The following LMBR1 variants were observed in gnomAD, a reference collection of about 807,000 sequenced individuals.
The protein encoded by LMBR1 is limb region 1 protein homolog.
A neutral mutation model predicts 73.9 loss-of-function variants in LMBR1; 52 were observed. The observed-to-expected ratio is 0.70, with a 90% CI of 0.56 to 0.89. The LOEUF (loss-of-function observed/expected upper bound fraction) is 0.89. Among genes scored for constraint, LMBR1 ranks in the 40% least tolerant of loss-of-function variants. LMBR1 has a pLI of 0.00. For missense variants in LMBR1, 539 were observed against 579.8 expected, an observed-to-expected ratio of 0.93 and a Z score of 0.72; for synonymous variants, 215 against 209.4, an observed-to-expected ratio of 1.03 and a Z score of -0.23.
chr7:156,704,131 G>A (rs1187525657), intron 15 of LMBR1, among the ~76,000 whole-genome samples: 2 of 152,106 alleles, frequency 1.3e-5, no homozygotes, highest in Non-Finnish European at 2.9e-5. Flanking sequence ...AAGCTACACA[G>A]AGGCCCAAGA....
intron 15 of LMBR1, among the ~76,000 whole-genome samples, chr7:156,693,189 T>C (rs571978672): frequency 2.5e-3 from 384 of 152,112 alleles, no homozygotes; most frequent in Middle Eastern, 0.01. Flanking sequence ...TTTGAAAAAA[T>C]AGTGGCTGAA....
At chr7:156,851,658 G>T (rs1796256792) in intron 1 of LMBR1, among the ~76,000 whole-genome samples, 1 of 151,886 alleles carries the variant, frequency 6.6e-6, no homozygotes, top group African/African-American at 2.4e-5. Flanking sequence ...AATGGAGAGA[G>T]AAAAAGTAAA....
At chr7:156,823,441 T>C (rs1304617567) in intron 4 of LMBR1, 1 of 152,104 alleles carries the variant, frequency 6.6e-6, no homozygotes, top group East Asian at 1.9e-4. Context: ...TGTAAAGAAA[T>C]TGTCAGAAAC....
At chr7:156,824,481 C>T (rs1484389794) in intron 4 of LMBR1, among the ~76,000 whole-genome samples, 1 of 152,058 alleles carries the variant, frequency 6.6e-6, no homozygotes, top group Non-Finnish European at 1.5e-5. Flanking sequence ...AACATAATAG[C>T]AATGAAAAAA....
chr7:156,694,246 C>A (rs1807821724), intron 15 of LMBR1, among the ~76,000 whole-genome samples: 1 of 152,128 alleles, frequency 6.6e-6, no homozygotes, highest in Non-Finnish European at 1.5e-5. Context: ...AATGATCCCA[C>A]CTCAGCCTTC....
intron 9 of LMBR1, among the ~76,000 whole-genome samples, chr7:156,750,179 A>G (rs1563272950): frequency 6.6e-6 from 1 of 152,198 alleles, no homozygotes; most frequent in Admixed American, 6.5e-5. Context: ...TTATGGTACT[A>G]CTTCCAAAGT....
intron 1 of LMBR1, among the ~76,000 whole-genome samples, chr7:156,889,881 G>C (rs1394914875): frequency 6.6e-6 from 1 of 152,166 alleles, no homozygotes; most frequent in Non-Finnish European, 1.5e-5. Flanking sequence ...ATTCAAGCCT[G>C]TAGTCCCAGC....
intron 8 of LMBR1, among the ~76,000 whole-genome samples, chr7:156,759,149 A>G (rs1340545030): frequency 6.6e-6 from 1 of 152,272 alleles, no homozygotes; most frequent in Admixed American, 6.5e-5. Context: ...AACATTACAA[A>G]AGTTCAAAGG....
intron 10 of LMBR1, among the ~76,000 whole-genome samples, chr7:156,730,174 A>G (rs1002779998): frequency 6.6e-6 from 1 of 152,196 alleles, no homozygotes; most frequent in African/African-American, 2.4e-5. Flanking sequence ...TTGAGAGGCT[A>G]TGATCATACA....
chr7:156,884,868 TA>T (rs1801632147), intron 1 of LMBR1, among the ~76,000 whole-genome samples: 10 of 152,174 alleles, frequency 6.6e-5, no homozygotes, highest in Admixed American at 6.5e-4. Context: ...TGGGAAGGAC[TA>T]AAGTTTTTTA....
At chr7:156,855,666 C>CAAAAAAAAAAAAAAAAAAA (rs35231167) in intron 1 of LMBR1, among the ~76,000 whole-genome samples, 2 of 87,294 alleles carry the variant, frequency 2.3e-5, no homozygotes, top group Non-Finnish European at 2.2e-5. Flanking sequence ...AACGTAAATA[C>CAAAAAAAAAAAAAAAAAAA]AAAAAAAAAA....
intron 1 of LMBR1, among the ~76,000 whole-genome samples, chr7:156,884,297 T>C (rs1801544015): frequency 6.6e-6 from 1 of 152,058 alleles, no homozygotes; most frequent in Non-Finnish European, 1.5e-5. Context: ...ACTCTTCTGC[T>C]GAACATCAAC....
intron 9 of LMBR1, among the ~76,000 whole-genome samples, chr7:156,753,472 G>C (rs79118065): frequency 0.071 from 10,773 of 152,126 alleles, 412 homozygotes; most frequent in East Asian, 0.13. Flanking sequence ...GCAGGAATGT[G>C]TGCCAAGTTT....
intron 5 of LMBR1, among the ~76,000 whole-genome samples, chr7:156,787,522 A>C (rs1258871630): frequency 6.6e-6 from 1 of 152,210 alleles, no homozygotes; most frequent in East Asian, 1.9e-4. Context: ...GCTCAAATAA[A>C]GCCTGATGTA....
intron 4 of LMBR1, among the ~76,000 whole-genome samples, chr7:156,814,466 T>A (rs1482336786): frequency 6.6e-6 from 1 of 152,244 alleles, no homozygotes; most frequent in Non-Finnish European, 1.5e-5. Flanking sequence ...TGTGTACATG[T>A]ACAAGCAAGG....
chr7:156,835,176 G>A (rs1837395632), intron 2 of LMBR1, among the ~76,000 whole-genome samples: 1 of 151,814 alleles, frequency 6.6e-6, no homozygotes, highest in African/African-American at 2.4e-5. Flanking sequence ...AACCCTCCTG[G>A]CCCCTCCTTC....
At chr7:156,743,327 T>G in intron 9 of LMBR1, among the ~76,000 whole-genome samples, 1 of 152,214 alleles carries the variant, frequency 6.6e-6, no homozygotes, top group Non-Finnish European at 1.5e-5. Flanking sequence ...AATTTTATTG[T>G]GATTTTCTCC....
intron 4 of LMBR1, among the ~76,000 whole-genome samples, chr7:156,818,324 G>A (rs1039017000): frequency 3.9e-5 from 6 of 152,140 alleles, no homozygotes; most frequent in Non-Finnish European, 7.4e-5. Flanking sequence ...TCCTTGCAGT[G>A]ACTTGTCGGA....
chr7:156,844,234 G>A (rs1425093031), intron 1 of LMBR1, among the ~76,000 whole-genome samples: 1 of 151,988 alleles, frequency 6.6e-6, no homozygotes, highest in Non-Finnish European at 1.5e-5. Context: ...TGAGGCAGGA[G>A]AATCGCTTGA....
Sources: allele counts gnomAD v4.1 joint callset (sites outside exome capture counted in the v4.1 genomes callset), GRCh38; gene constraint gnomAD v4.1.1; transcripts MANE v1.5; gene names NCBI Gene and HGNC (gene_info 2026-07-23, HGNC 2026-07-21).